SHISA9: variants seen among roughly 807,000 people sequenced by gnomAD.
SHISA9 encodes the protein protein shisa-9.
Under a neutral mutation model 38.0 loss-of-function variants are expected in SHISA9, and 13 were observed. The ratio of observed to expected loss-of-function variants is 0.34; its 90% CI spans 0.22 to 0.54. The LOEUF is 0.54. Ranked by LOEUF, SHISA9 falls within the 20% of genes least tolerant of loss-of-function variation. SHISA9 has a pLI of 0.91. For missense variants in SHISA9, 538 were observed against 575.8 expected (o/e 0.93, Z 0.67); for synonymous variants, 275 against 242.0 (o/e 1.14, Z -1.27).
chr16:13,066,204 C>T (rs560903434), intron 2 of SHISA9, among the ~76,000 whole-genome samples: 7 of 152,270 alleles, frequency 4.6e-5, no homozygotes, highest in East Asian at 1.9e-4. Flanking sequence ...TGGGTCCCTG[C>T]GTGACTACAG....
At chr16:13,339,414 C>T in the SHISA9 span, among the ~76,000 whole-genome samples, 1 of 152,118 alleles carries the variant, frequency 6.6e-6, no homozygotes, top group Non-Finnish European at 1.5e-5. Flanking sequence ...GGATTTGAAT[C>T]AGGATTTCTT....
chr16:13,048,158 C>T (rs1285074974), intron 2 of SHISA9, among the ~76,000 whole-genome samples: 1 of 152,240 alleles, frequency 6.6e-6, no homozygotes, highest in Non-Finnish European at 1.5e-5. Context: ...AACATTTGCA[C>T]AGCGTATAAC....
intron 2 of SHISA9, among the ~76,000 whole-genome samples, chr16:13,192,962 GAAAAGA>G (rs2050901142): frequency 6.7e-6 from 1 of 150,330 alleles, no homozygotes; most frequent in Non-Finnish European, 1.5e-5. Flanking sequence ...GGAGGAGGAG[GAAAAGA>G]AGAAGAAGGA....
At chr16:13,017,644 T>C (rs2072773730) in intron 2 of SHISA9, among the ~76,000 whole-genome samples, 1 of 152,310 alleles carries the variant, frequency 6.6e-6, no homozygotes, top group African/African-American at 2.4e-5. Flanking sequence ...GATTATCTCA[T>C]TGAATCTTTA....
intron 2 of SHISA9, among the ~76,000 whole-genome samples, chr16:13,116,381 G>T (rs1311226064): frequency 6.6e-6 from 1 of 152,166 alleles, no homozygotes; most frequent in Non-Finnish European, 1.5e-5. Context: ...TTGGCTCTGA[G>T]ACAGCTTGTC....
intron 2 of SHISA9, among the ~76,000 whole-genome samples, chr16:13,051,737 C>T (rs1430402368): frequency 6.6e-6 from 1 of 151,874 alleles, no homozygotes; most frequent in Non-Finnish European, 1.5e-5. Context: ...CAATTACTCC[C>T]CTGTACAGTT....
the SHISA9 span, among the ~76,000 whole-genome samples, chr16:13,419,410 A>G: frequency 6.6e-6 from 1 of 152,248 alleles, no homozygotes; most frequent in African/African-American, 2.4e-5. Context: ...TTTTTGAAAG[A>G]CTTTTGGCTT....
At chr16:13,175,874 C>A (rs756737206) in intron 2 of SHISA9, among the ~76,000 whole-genome samples, 1 of 152,050 alleles carries the variant, frequency 6.6e-6, no homozygotes, top group East Asian at 1.9e-4. Context: ...GTGAGGAGAC[C>A]AAGCAAGAGA....
chr16:13,463,577 T>A, the SHISA9 span, among the ~76,000 whole-genome samples: 2 of 152,178 alleles, frequency 1.3e-5, no homozygotes, highest in Non-Finnish European at 2.9e-5. Flanking sequence ...GTAGCCAAGG[T>A]CTAAAAGAAG....
At chr16:13,233,961 C>T (rs915058857) in intron 4 of SHISA9, among the ~76,000 whole-genome samples, 2 of 152,038 alleles carry the variant, frequency 1.3e-5, no homozygotes, top group African/African-American at 2.4e-5. Context: ...TATGATTGTG[C>T]CACTGCACTC....
chr16:13,041,834 G>T (rs1209940063), intron 2 of SHISA9, among the ~76,000 whole-genome samples: 1 of 152,156 alleles, frequency 6.6e-6, no homozygotes, highest in Non-Finnish European at 1.5e-5. Flanking sequence ...TGGGACTCAG[G>T]AATCTGCAAT....
intron 2 of SHISA9, among the ~76,000 whole-genome samples, chr16:13,020,524 CTCT>C (rs1412987318): frequency 2.6e-5 from 4 of 152,134 alleles, no homozygotes; most frequent in African/African-American, 9.7e-5. Flanking sequence ...TCCATGGTGT[CTCT>C]TCTTATTGGA....
At chr16:13,485,627 T>G in the SHISA9 span, among the ~76,000 whole-genome samples, 1 of 152,238 alleles carries the variant, frequency 6.6e-6, no homozygotes, top group Non-Finnish European at 1.5e-5. Context: ...CCTCAAACTT[T>G]TATCTGTTCT....
chr16:13,491,539 A>C, the SHISA9 span, among the ~76,000 whole-genome samples: 2 of 152,084 alleles, frequency 1.3e-5, no homozygotes, highest in Non-Finnish European at 2.9e-5. Flanking sequence ...CCAAGGCTGG[A>C]GTGAAGTGGC....
chr16:13,560,396 G>A, the SHISA9 span, among the ~76,000 whole-genome samples: 1 of 152,148 alleles, frequency 6.6e-6, no homozygotes, highest in Non-Finnish European at 1.5e-5. Flanking sequence ...TCTAATCATG[G>A]AGCTAAGTAT....
chr16:13,285,420 A>G, the SHISA9 span, among the ~76,000 whole-genome samples: 2 of 150,596 alleles, frequency 1.3e-5, no homozygotes, highest in African/African-American at 4.9e-5. Flanking sequence ...TCTCTTGGCA[A>G]TGAATGCAGA....
the SHISA9 span, among the ~76,000 whole-genome samples, chr16:13,514,506 G>A: frequency 1.3e-5 from 2 of 152,126 alleles, no homozygotes; most frequent in Non-Finnish European, 2.9e-5. Context: ...ACTACATTAA[G>A]TAGAGACATG....
chr16:13,510,133 C>T, the SHISA9 span, among the ~76,000 whole-genome samples: 4 of 152,218 alleles, frequency 2.6e-5, no homozygotes, highest in South Asian at 2.1e-4. Flanking sequence ...TGGTGAAATC[C>T]CGTCTCTACT....
chr16:13,464,622 T>G, the SHISA9 span, among the ~76,000 whole-genome samples: 2 of 152,294 alleles, frequency 1.3e-5, no homozygotes, highest in South Asian at 4.2e-4. Flanking sequence ...AACCACTGAT[T>G]TGCTTTCCCT....
Sources: allele counts gnomAD v4.1 joint callset (sites outside exome capture counted in the v4.1 genomes callset), GRCh38; gene constraint gnomAD v4.1.1; transcripts MANE v1.5; gene names NCBI Gene and HGNC (gene_info 2026-07-23, HGNC 2026-07-21).